Variants in SUMF1 observed in about 807,000 individuals in gnomAD.
The protein encoded by SUMF1 is formylglycine-generating enzyme.
SUMF1 carries 48 observed loss-of-function variants against 47.6 expected under a neutral mutation model. The ratio of observed to expected loss-of-function variants is 1.01; its 90% CI spans 0.80 to 1.28. SUMF1 has a LOEUF of 1.28. Ranked by LOEUF, SUMF1 falls within the 50% of genes most tolerant of loss-of-function variation. The pLI is 0.00. For missense variants in SUMF1, 571 were observed against 485.4 expected, an observed-to-expected ratio of 1.18 and a Z score of -1.66; for synonymous variants, 230 against 192.1, an observed-to-expected ratio of 1.20 and a Z score of -1.63.
intron 8 of SUMF1, among the ~76,000 whole-genome samples, chr3:4,242,178 G>A (rs977379857): frequency 3.9e-5 from 6 of 152,142 alleles, no homozygotes; most frequent in Admixed American, 2.6e-4. Flanking sequence ...ATTTGGGGCC[G>A]AGAAGATGGG....
chr3:4,038,118 G>A (rs1694833937), intron 9 of SUMF1, among the ~76,000 whole-genome samples: 1 of 152,110 alleles, frequency 6.6e-6, no homozygotes, highest in Non-Finnish European at 1.5e-5. Flanking sequence ...ACCGCTGCAG[G>A]GTGATCTTCA....
intron 1 of SUMF1, among the ~76,000 whole-genome samples, chr3:4,460,667 T>TA (rs1405847611): frequency 4.0e-5 from 6 of 149,290 alleles, no homozygotes; most frequent in Non-Finnish European, 7.4e-5. Flanking sequence ...TATATATATA[T>TA]TTTTTAAGAG....
chr3:4,129,074 T>C (rs1006468006), intron 8 of SUMF1, among the ~76,000 whole-genome samples: 2 of 152,094 alleles, frequency 1.3e-5, no homozygotes, highest in African/African-American at 4.8e-5. Context: ...GCTGGGAGGA[T>C]ACAGAAGATA....
intron 8 of SUMF1, among the ~76,000 whole-genome samples, chr3:4,090,385 G>C (rs917055293): frequency 1.3e-5 from 2 of 152,078 alleles, no homozygotes; most frequent in African/African-American, 4.8e-5. Flanking sequence ...GTCCCACTCA[G>C]AATAAATGCA....
chr3:4,223,734 T>C (rs1439195218), intron 8 of SUMF1, among the ~76,000 whole-genome samples: 1 of 152,048 alleles, frequency 6.6e-6, no homozygotes, highest in East Asian at 1.9e-4. Context: ...CAAATGGTGA[T>C]TATGTGTTGG....
At position 4,288,368 on chromosome 3, in the gene SUMF1, T is replaced by A. The variant is rs76946663; in HGVS notation, c.1014+87962A>T. On this transcript the variant is annotated intron_variant and NMD_transcript_variant, in intron 8 of 12. Transcript: ENST00000448413. ...TATTATTTTCTGTGTCTTTCTACTTTAAAAAAATTAATATTCCAAAGCTTT... is the reference window on the plus strand; with the variant it reads ...TATTATTTTCTGTGTCTTTCTACTTAAAAAAAATTAATATTCCAAAGCTTT... Among the ~76,000 whole-genome samples the A allele has an allele frequency of 3.1e-3, 470 of 152,268 alleles. 20 individuals are homozygous for A. In the East Asian group the frequency reaches 0.077, roughly 25 times the overall value.
At chr3:4,235,659 C>T (rs1483643761) in intron 8 of SUMF1, among the ~76,000 whole-genome samples, 1 of 152,052 alleles carries the variant, frequency 6.6e-6, no homozygotes, top group Non-Finnish European at 1.5e-5. Flanking sequence ...AAGGGAACAT[C>T]CTAGGCCCTT....
chr3:4,228,786 C>T (rs1343689647), intron 8 of SUMF1, among the ~76,000 whole-genome samples: 5 of 152,012 alleles, frequency 3.3e-5, no homozygotes, highest in Admixed American at 6.6e-5. Flanking sequence ...TAAAAGTACC[C>T]AGTGGCAGCA....
chr3:4,096,149 G>T (rs1674889636), intron 8 of SUMF1, among the ~76,000 whole-genome samples: 1 of 152,118 alleles, frequency 6.6e-6, no homozygotes, highest in South Asian at 2.1e-4. Context: ...CCACATTTCA[G>T]TTTCTCAATA....
intron 8 of SUMF1, among the ~76,000 whole-genome samples, chr3:4,349,615 A>T (rs751046625): frequency 6.6e-6 from 1 of 152,248 alleles, no homozygotes. Context: ...CTGGATAAAG[A>T]AAATGTGGTA....
At chr3:4,262,085 T>A (rs1697098557) in intron 8 of SUMF1, among the ~76,000 whole-genome samples, 2 of 152,278 alleles carry the variant, frequency 1.3e-5, no homozygotes, top group African/African-American at 4.8e-5. Context: ...TCAGAGCTGC[T>A]ATAAGCCAAA....
intron 8 of SUMF1, among the ~76,000 whole-genome samples, chr3:4,082,018 T>C (rs1692570646): frequency 1.3e-5 from 2 of 152,154 alleles, no homozygotes; most frequent in South Asian, 4.1e-4. Flanking sequence ...GGATTATGCC[T>C]GCAACTTACT....
intron 7 of SUMF1, among the ~76,000 whole-genome samples, chr3:4,377,429 T>C (rs974109441): frequency 6.6e-6 from 1 of 151,742 alleles, no homozygotes; most frequent in Non-Finnish European, 1.5e-5. Flanking sequence ...ACCTTGGAGG[T>C]AGGTTAAGTT....
intron 8 of SUMF1, among the ~76,000 whole-genome samples, chr3:4,274,930 T>C (rs1012299945): frequency 4.6e-5 from 7 of 152,250 alleles, no homozygotes; most frequent in East Asian, 1.9e-4. Flanking sequence ...GAAGCAGAAC[T>C]GGACAAAGGA....
intron 8 of SUMF1, among the ~76,000 whole-genome samples, chr3:4,225,261 C>T (rs1307645632): frequency 6.6e-6 from 1 of 152,108 alleles, no homozygotes; most frequent in Non-Finnish European, 1.5e-5. Context: ...CTTGTCACAG[C>T]ATCCCTGTCT....
At chr3:4,174,239 C>T (rs1164514939) in intron 8 of SUMF1, among the ~76,000 whole-genome samples, 1 of 151,582 alleles carries the variant, frequency 6.6e-6, no homozygotes, top group African/African-American at 2.4e-5. Flanking sequence ...ACCTGTAGTC[C>T]CAGCTACTCG....
Position 4,369,491 on chromosome 3 carries a change from G to A in SUMF1, c.1014+6839C>T, listed in dbSNP as rs139036455. Among the ~76,000 whole-genome samples, 1,124 of 152,206 alleles carry A rather than the reference G, an allele frequency of 7.4e-3. 7 individuals are homozygous for A. The highest frequency in any genetic ancestry group is 0.014 in the Middle Eastern group (4 of 292). On this transcript the variant is annotated intron_variant, in intron 8 of 8. Transcript: ENST00000272902. The stretch of plus-strand genomic sequence containing the variant: ...AATCAAGTTCCTGTGGATAATCCAG[G>A]GCCCCATGCAGCCAAGCATGTGTAG...
At chr3:4,390,654 C>A (rs1700830895) in intron 7 of SUMF1, among the ~76,000 whole-genome samples, 1 of 152,190 alleles carries the variant, frequency 6.6e-6, no homozygotes, top group Non-Finnish European at 1.5e-5. Context: ...ACGATCTTGG[C>A]TCACTGCAGC....
intron 3 of SUMF1, among the ~76,000 whole-genome samples, chr3:4,441,365 A>G (rs370180314): frequency 1.0e-3 from 156 of 152,324 alleles, no homozygotes; most frequent in African/African-American, 3.3e-3. Context: ...CTGATTCTAC[A>G]TTATGGTGAG....
Sources: gnomAD v4.1 joint callset for allele counts (sites outside exome capture counted in the v4.1 genomes callset) on GRCh38, gnomAD v4.1.1 for gene constraint, MANE v1.5 for transcripts, NCBI Gene and HGNC (gene_info 2026-07-23, HGNC 2026-07-21) for gene names.